The following ELMO1 variants were observed in gnomAD, a reference collection of about 807,000 sequenced individuals.
ELMO1 encodes the protein engulfment and cell motility 1, also known as engulfment and cell motility protein 1.
In ELMO1, 26 loss-of-function variants were observed where a neutral mutation model predicts 98.9. That is an observed-to-expected ratio of 0.26 (90% CI 0.19 to 0.36). The LOEUF (loss-of-function observed/expected upper bound fraction) is 0.36, where lower values mean the gene tolerates loss of function less well. Among genes scored for constraint, ELMO1 ranks in the 10% least tolerant of loss-of-function variants. The pLI is 1.00. For missense variants in ELMO1, 627 were observed against 935.2 expected, an observed-to-expected ratio of 0.67 and a Z score of 4.30; for synonymous variants, 346 against 346.0, an observed-to-expected ratio of 1.00 and a Z score of 0.00.
chr7:37,371,297 T>A (rs1802105751), intron 1 of ELMO1, among the ~76,000 whole-genome samples: 1 of 152,222 alleles, frequency 6.6e-6, no homozygotes, highest in Non-Finnish European at 1.5e-5. Flanking sequence ...GAGAATGGGA[T>A]CCACGCTTGA....
chr7:37,124,051 A>C (rs1786305484), intron 14 of ELMO1, among the ~76,000 whole-genome samples: 1 of 152,228 alleles, frequency 6.6e-6, no homozygotes, highest in Non-Finnish European at 1.5e-5. Flanking sequence ...TGATTACCTC[A>C]ACAGATGCAG....
intron 1 of ELMO1, among the ~76,000 whole-genome samples, chr7:37,441,838 A>C (rs1406097306): frequency 6.6e-6 from 1 of 152,226 alleles, no homozygotes. Context: ...GAGAGAAGAG[A>C]GCTAGAAAGG....
chr7:37,410,218 A>G (rs1803941208), intron 1 of ELMO1, among the ~76,000 whole-genome samples: 1 of 152,244 alleles, frequency 6.6e-6, no homozygotes, highest in South Asian at 2.1e-4. Context: ...TGAACTCCCC[A>G]GTACTATTGC....
intron 7 of ELMO1, among the ~76,000 whole-genome samples, chr7:37,234,947 C>G (rs1175166700): frequency 1.3e-5 from 2 of 152,174 alleles, no homozygotes; most frequent in South Asian, 2.1e-4. Context: ...GCAAGGAAAG[C>G]CAAACCATTC....
chr7:37,283,630 G>A (rs1439792466), intron 4 of ELMO1, among the ~76,000 whole-genome samples: 2 of 152,344 alleles, frequency 1.3e-5, no homozygotes, highest in South Asian at 2.1e-4. Context: ...TTCAGACAGT[G>A]GGGCAGCCCC....
intron 13 of ELMO1, among the ~76,000 whole-genome samples, chr7:37,140,730 A>G (rs181565766): frequency 5.8e-4 from 88 of 152,196 alleles, no homozygotes; most frequent in African/African-American, 1.9e-3. Context: ...GAACATGAAT[A>G]GACAATTCTC....
At chr7:36,956,721 C>T (rs769729470) in intron 16 of ELMO1, among the ~76,000 whole-genome samples, 1 of 152,112 alleles carries the variant, frequency 6.6e-6, no homozygotes, top group Non-Finnish European at 1.5e-5. Flanking sequence ...TATGTTGTTC[C>T]TATATAAAAA....
intron 1 of ELMO1, among the ~76,000 whole-genome samples, chr7:37,397,786 G>T (rs181944176): frequency 6.6e-6 from 1 of 152,334 alleles, no homozygotes; most frequent in East Asian, 1.9e-4. Context: ...TAAAGAAAAT[G>T]TAGTACATAT....
chr7:36,953,357 T>A (rs1788154000), intron 16 of ELMO1, among the ~76,000 whole-genome samples: 1 of 152,218 alleles, frequency 6.6e-6, no homozygotes, highest in African/African-American at 2.4e-5. Flanking sequence ...ATTTTAGGTC[T>A]GCAGCTGAAG....
intron 14 of ELMO1, among the ~76,000 whole-genome samples, chr7:37,104,490 G>A (rs10263072): frequency 0.19 from 29,214 of 152,094 alleles, 3,433 homozygotes; most frequent in African/African-American, 0.33. Flanking sequence ...AGGGGATTGA[G>A]GGAGAGAGAG....
At chr7:37,170,814 A>T (rs146339476) in intron 13 of ELMO1, among the ~76,000 whole-genome samples, 50 of 152,034 alleles carry the variant, frequency 3.3e-4, no homozygotes, top group African/African-American at 1.2e-3. Flanking sequence ...AACATGTTGG[A>T]CAGACTAGTC....
At chr7:37,273,749 C>A (rs1466672633) in intron 4 of ELMO1, among the ~76,000 whole-genome samples, 1 of 152,124 alleles carries the variant, frequency 6.6e-6, no homozygotes, top group Non-Finnish European at 1.5e-5. Flanking sequence ...AGGATCACTA[C>A]CCTGCATAAT....
At chr7:37,060,599 A>G (rs1386287280) in intron 15 of ELMO1, among the ~76,000 whole-genome samples, 1 of 152,146 alleles carries the variant, frequency 6.6e-6, no homozygotes, top group Non-Finnish European at 1.5e-5. Context: ...GTAAAATGCA[A>G]TTTACCCATG....
intron 13 of ELMO1, among the ~76,000 whole-genome samples, chr7:37,209,010 TA>T (rs112233572): frequency 3.3e-3 from 480 of 145,364 alleles, no homozygotes; most frequent in Non-Finnish European, 4.9e-3. Context: ...AACTTTCAGT[TA>T]AAAAAAAAAA....
At chr7:37,127,463 G>A (rs542715651) in intron 14 of ELMO1, among the ~76,000 whole-genome samples, 10 of 152,252 alleles carry the variant, frequency 6.6e-5, no homozygotes, top group African/African-American at 2.4e-4. Flanking sequence ...AGATTTGGAG[G>A]CTTGTCTACT....
chr7:37,273,814 G>C (rs1314243960), intron 4 of ELMO1, among the ~76,000 whole-genome samples: 1 of 152,154 alleles, frequency 6.6e-6, no homozygotes, highest in East Asian at 1.9e-4. Context: ...ACACTGAGGT[G>C]GTGGGAAATT....
intron 16 of ELMO1, among the ~76,000 whole-genome samples, chr7:36,978,696 C>T (rs965166499): frequency 2.6e-5 from 4 of 152,178 alleles, no homozygotes; most frequent in African/African-American, 9.7e-5. Flanking sequence ...TTGAATGCCG[C>T]CAGGCATCTC....
rs537388417 is a variant in ELMO1 at position 37,092,366 on chromosome 7, C to CTTTTTTTTTTTTTTTTTTTTTTT, written c.1300+4230_1300+4252dup. Among the ~76,000 whole-genome samples, 14 of 68,916 alleles carry CTTTTTTTTTTTTTTTTTTTTTTT rather than the reference C, an allele frequency of 2.0e-4. 1 individual carries two copies. The highest frequency in any genetic ancestry group is 3.2e-4 in the African/African-American group (7 of 21,970). The allele number at this position is 68,916 out of a possible 152,430, so 45.2% of individuals were successfully genotyped here. ...ACTTGCAAAAAAAATTACCCATATT[C>CTTTTTTTTTTTTTTTTTTTTTTT]TTTTTTTTTTTTTTTTTTTTTTTTT... is the stretch of plus-strand genomic sequence containing the variant. On this transcript the variant is annotated intron_variant, in intron 15 of 21. Coordinates refer to ENST00000310758, the MANE Select transcript of ELMO1 (RefSeq NM_014800.11).
intron 16 of ELMO1, among the ~76,000 whole-genome samples, chr7:36,969,417 T>G (rs1323555451): frequency 6.6e-6 from 1 of 152,228 alleles, no homozygotes; most frequent in Non-Finnish European, 1.5e-5. Context: ...GATAATGATA[T>G]GTGGTGAATT....
Sources: allele counts gnomAD v4.1 joint callset (sites outside exome capture counted in the v4.1 genomes callset), GRCh38; gene constraint gnomAD v4.1.1; transcripts MANE v1.5; gene names NCBI Gene and HGNC (gene_info 2026-07-23, HGNC 2026-07-21).